The following TSC2 variants were observed in gnomAD, a reference collection of about 807,000 sequenced individuals.
TSC2 encodes tuberin.
TSC2 carries 29 observed loss-of-function variants against 202.2 expected under a neutral mutation model. The observed-to-expected ratio is 0.14, with a 90% CI of 0.11 to 0.20. TSC2 has a LOEUF of 0.20. Ranked by LOEUF, TSC2 falls within the 10% of genes least tolerant of loss-of-function variation. TSC2 has a pLI of 1.00. For synonymous variants in TSC2, 1,349 were observed against 1,044.0 expected (o/e 1.29, Z -5.63); for missense variants, 2,429 against 2,420.0 (o/e 1.00, Z -0.08).
chr16:2,056,138 C>A, intron 6 of TSC2, 58 bp from the exon 7 acceptor site: 1 of 1,606,602 alleles, frequency 6.2e-7, no homozygotes, highest in South Asian at 1.1e-5. Context: ...GACCACAGCC[C>A]GTGGTGGCTC....
At chr16:2,055,331 C>CG (rs1301603569) in intron 5 of TSC2, 71 bp from the exon 6 acceptor site, 8 of 1,188,218 alleles carry the variant, frequency 6.7e-6, no homozygotes, top group African/African-American at 6.0e-5. Context: ...CACTGTCCTG[C>CG]GGCGGGAGGG....
Position 2,088,934 on chromosome 16 carries a change from G to C in TSC2, c.*324G>C, listed in dbSNP as rs1342799987. 7.9e-6 allele frequency: 3 copies of C among 379,438 alleles called. No homozygotes were observed. The South Asian group carries it at 8.1e-5, about 10-fold the overall frequency. The allele number at this position is 379,438 out of a possible 1,614,324, so 23.5% of individuals were successfully genotyped here. On this transcript the variant is annotated 3_prime_UTR_variant, in exon 42 of 42. Transcript: ENST00000219476. ...CTCCACCCTGGGAGCCAGCCCCCAG[G>C]AGGAGTCTTTTCCTCTAACCACCCT...
At chr16:2,077,570 G>C in intron 25 of TSC2, 28 bp from the exon 26 acceptor site, 1 of 1,612,268 alleles carries the variant, frequency 6.2e-7, no homozygotes, top group Non-Finnish European at 8.5e-7. Context: ...GCTCTCTGGG[G>C]CGTTGGGGCT....
At chr16:2,058,005 C>T (rs1165016400) in intron 9 of TSC2, among the ~76,000 whole-genome samples, 5 of 127,342 alleles carry the variant, frequency 3.9e-5, no homozygotes, top group Admixed American at 2.3e-4. Flanking sequence ...AGCCCTGCCT[C>T]GGCCCCTGCA....
intron 12 of TSC2, 101 bp from the exon 13 acceptor site, chr16:2,062,396 G>T: frequency 2.6e-6 from 3 of 1,150,850 alleles, no homozygotes; most frequent in Non-Finnish European, 2.5e-6. Flanking sequence ...CTGTGAGGCG[G>T]CTGGGCTCTG....
rs1249828801 is a variant in TSC2 at position 2,086,669 on chromosome 16, G to T, written c.4850-63G>T. The T allele has an allele frequency of 5.6e-6, 9 of 1,599,326 alleles. No individual in the cohort carries two copies. In the Admixed American group the frequency reaches 1.5e-4, roughly 27 times the overall value. The stretch of plus-strand genomic sequence containing the variant: ...CCTGGAGTAATCAGGAGGTGCCCCA[G>T]TGCAAGGCACAGAGGGCCTCAGCAC... On this transcript the variant is annotated intron_variant, in intron 37 of 41. Transcript: ENST00000219476.
At chr16:2,067,009 A>G (rs2087476704) in intron 16 of TSC2, among the ~76,000 whole-genome samples, 2 of 152,030 alleles carry the variant, frequency 1.3e-5, no homozygotes, top group East Asian at 3.9e-4. Flanking sequence ...TGTGACTGTC[A>G]GTGTCAGTAT....
chr16:2,079,781 G>A lies in TSC2; in HGVS notation c.3397+112G>A, dbSNP rs912097506. ...CAGGGGCCGGGGTGGCTGGCTTCAG[G>A]CCCGGCCCACGTCCTGACTCTGGGG... is the stretch of plus-strand genomic sequence containing the variant. On this transcript the variant is annotated intron_variant, in intron 29 of 41. Coordinates refer to ENST00000219476, the MANE Select transcript of TSC2 (RefSeq NM_000548.5). The surrounding 1 kb of genome is among the most constrained non-coding windows in gnomAD (Gnocchi z 4.6). The A allele has an allele frequency of 4.5e-6, 5 of 1,105,602 alleles. No homozygotes were observed. Among genetic ancestry groups the A allele is most frequent in the Non-Finnish European group, 6.4e-6 (5 of 783,426 alleles). The allele number at this position is 1,105,602 out of a possible 1,614,324, so 68.5% of individuals were successfully genotyped here.
chr16:2,057,137 C>T lies in TSC2; in HGVS notation c.807C>T (p.Gly269=), dbSNP rs1297815371. ...GGAACCTCCTTGGCACCCACCTGGG[C>T]CACAGCGCCATCTACAACATGTGCC... is the stretch of plus-strand genomic sequence containing the variant. The part of the protein sequence containing the change: ...LMRNLLGTHL[G]HSAIYNMCHL... Residue 269 remains glycine, a synonymous_variant, in exon 9 of 42, where the codon GGC becomes GGT. Coordinates refer to ENST00000219476, the MANE Select transcript of TSC2 (RefSeq NM_000548.5). 23 of 1,551,584 alleles carry T rather than the reference C, an allele frequency of 1.5e-5. No individual in the cohort carries two copies. The highest frequency in any genetic ancestry group is 2.0e-5 in the Admixed American group (1 of 51,016).
At chr16:2,083,437 T>G in intron 32 of TSC2, 1 of 609,722 alleles carries the variant, frequency 1.6e-6, no homozygotes, top group Non-Finnish European at 3.0e-6. Flanking sequence ...TGGCTGCTGG[T>G]GGACACTAGG....
At chr16:2,065,969 C>G (rs1485394681) in intron 16 of TSC2, among the ~76,000 whole-genome samples, 3 of 152,190 alleles carry the variant, frequency 2.0e-5, no homozygotes, top group African/African-American at 7.2e-5. Flanking sequence ...GCCCTGCAGT[C>G]CGTTTAATAT....
Position 2,088,571 on chromosome 16 carries a change from C to T in TSC2, c.5385C>T (p.Arg1795=). The change falls in exon 42 of 42, where the codon CGC becomes CGT. Residue 1795 remains arginine (R), a synonymous_variant. Transcript: ENST00000219476. ...GCTATGAGGTGGGCCAGCGGAAGCG[C>T]CTCATCTCCTCGGTGGAGGACTTCA... is the stretch of plus-strand genomic sequence containing the variant. ...TPGYEVGQRK[R]LISSVEDFTE... is the part of the protein sequence containing the mutation. 6.2e-7 allele frequency: 1 copy of T among 1,609,570 alleles called. No individual in the cohort carries two copies. The highest frequency in any genetic ancestry group is 8.5e-7 in the Non-Finnish European group (1 of 1,179,910).
intron 14 of TSC2, 62 bp downstream of exon 14, chr16:2,063,115 CTG>C: frequency 6.5e-7 from 1 of 1,535,284 alleles, no homozygotes; most frequent in Admixed American, 2.0e-5. Context: ...CGGGCTGTCT[CTG>C]TTGTGCACGT....
intron 2 of TSC2, 111 bp from the exon 3 acceptor site, chr16:2,050,289 A>T: frequency 2.9e-6 from 3 of 1,032,394 alleles, no homozygotes; most frequent in South Asian, 1.3e-5. Context: ...GATCTGTTTT[A>T]AGTCTCTAGT....
intron 30 of TSC2, 143 bp from the exon 31 acceptor site, chr16:2,081,452 G>A (rs1228237140): frequency 1.7e-5 from 19 of 1,102,182 alleles, no homozygotes; most frequent in East Asian, 7.3e-5. Context: ...TCAGAGCAGC[G>A]CTGGCTCCGA....
At chr16:2,054,172 C>T (rs1206767452) in intron 4 of TSC2, 124 bp from the exon 5 acceptor site, 12 of 1,464,860 alleles carry the variant, frequency 8.2e-6, no homozygotes, top group Admixed American at 5.1e-5. Context: ...TCTTGCAGGG[C>T]GCCTCTGTGG....
At chr16:2,076,465 C>G in intron 24 of TSC2, 26 bp from the exon 25 acceptor site, 1 of 1,612,754 alleles carries the variant, frequency 6.2e-7, no homozygotes, top group Non-Finnish European at 8.5e-7. Context: ...CCACCCCTCA[C>G]TGTCTGGGTG....
chr16:2,071,727 G>A (rs2151302036), intron 18 of TSC2, 57 bp from the exon 19 acceptor site: 2 of 1,595,722 alleles, frequency 1.3e-6, no homozygotes, highest in East Asian at 2.3e-5. Context: ...GAAGAGCCAA[G>A]TCTGTTCCGT....
intron 8 of TSC2, 110 bp downstream of exon 8, chr16:2,056,879 G>A (rs1422980697): frequency 3.2e-5 from 49 of 1,551,404 alleles, no homozygotes; most frequent in Non-Finnish European, 4.2e-5. Flanking sequence ...CCAGACAATG[G>A]CCTGTTGAGG....
Sources: gnomAD v4.1 joint callset for allele counts (sites outside exome capture counted in the v4.1 genomes callset) on GRCh38, gnomAD v4.1.1 for gene constraint, Gnocchi (gnomAD v3.1) non-coding constraint, MANE v1.5 for transcripts, NCBI Gene and HGNC (gene_info 2026-07-23, HGNC 2026-07-21) for gene names.